Variants in BEAN1 observed in about 807,000 individuals in gnomAD.
BEAN1 encodes the protein protein BEAN1.
In BEAN1, 17 loss-of-function variants were observed where a neutral mutation model predicts 17.7. The observed-to-expected ratio is 0.96, with a 90% CI of 0.66 to 1.44. The LOEUF (loss-of-function observed/expected upper bound fraction) is 1.44. Among genes scored for constraint, BEAN1 ranks in the 40% most tolerant of loss-of-function variants. BEAN1 has a pLI of 0.00. For missense variants in BEAN1, 359 were observed against 374.1 expected (o/e 0.96, Z 0.33); for synonymous variants, 142 against 151.8 (o/e 0.94, Z 0.47).
intron 1 of BEAN1, among the ~76,000 whole-genome samples, chr16:66,430,958 ATTAAG>A (rs2142368107): frequency 6.6e-6 from 1 of 152,244 alleles, no homozygotes; most frequent in East Asian, 1.9e-4. Flanking sequence ...AAAATAAAAC[ATTAAG>A]TTAATAGCAG....
chr16:66,453,669 T>A (rs2142403448), intron 2 of BEAN1, among the ~76,000 whole-genome samples: 1 of 152,160 alleles, frequency 6.6e-6, no homozygotes, highest in East Asian at 1.9e-4. Context: ...GCCTAAAATA[T>A]ATTTTTATTT....
At chr16:66,492,832 C>G in intron 4 of BEAN1, 1 of 607,402 alleles carries the variant, frequency 1.6e-6, no homozygotes, top group East Asian at 2.7e-5. Context: ...GCCAAATGCC[C>G]TCATCCACGT....
Position 66,488,533 on chromosome 16 carries a change from A to C in BEAN1, c.148-4429A>C, listed in dbSNP as rs902258488. On this transcript the variant is annotated intron_variant, in intron 4 of 4. Coordinates refer to the BEAN1 transcript ENST00000561796. ...TTATCACTACCAAAAAAAAAAAAAA[A>C]AAAAAAACTGTTTTAATTAGCCAGA... is the stretch of plus-strand genomic sequence containing the variant. Among the ~76,000 whole-genome samples, 6 of 143,764 alleles carry C rather than the reference A, an allele frequency of 4.2e-5. No homozygotes were observed. The East Asian group carries it at 6.2e-4, about 15-fold the overall frequency. 94.3% of individuals were successfully genotyped at this position (143,764 alleles called of 152,430 possible).
intron 1 of BEAN1, among the ~76,000 whole-genome samples, chr16:66,435,340 T>C (rs1961972634): frequency 6.6e-6 from 1 of 152,218 alleles, no homozygotes; most frequent in African/African-American, 2.4e-5. Flanking sequence ...ATGGAAATGA[T>C]GTCCCCCACC....
At chr16:66,493,047 C>T (rs189628750) in exon 5 of BEAN1, 18 of 702,844 alleles carry the variant, frequency 2.6e-5, no homozygotes, top group East Asian at 1.3e-4. Context: ...CTGGGCTACA[C>T]GGCCACCTTG....
intron 2 of BEAN1, among the ~76,000 whole-genome samples, chr16:66,462,197 A>C (rs927910290): frequency 6.6e-6 from 1 of 152,202 alleles, no homozygotes; most frequent in Admixed American, 6.5e-5. Context: ...AACTGACTCC[A>C]TTTGCCTACA....
intron 2 of BEAN1, among the ~76,000 whole-genome samples, chr16:66,460,953 C>T (rs1032402246): frequency 6.6e-6 from 1 of 152,164 alleles, no homozygotes; most frequent in Non-Finnish European, 1.5e-5. Flanking sequence ...TAATGTGGTG[C>T]ATGACAAGTA....
At chr16:66,490,784 A>C (rs760149568) in intron 4 of BEAN1, among the ~76,000 whole-genome samples, 4 of 152,210 alleles carry the variant, frequency 2.6e-5, no homozygotes, top group Non-Finnish European at 5.9e-5. Context: ...GGGACAAAGA[A>C]AGGACAAATC....
chr16:66,439,153 G>C lies in BEAN1; in HGVS notation c.25+1452G>C, dbSNP rs865837904. The stretch of plus-strand genomic sequence containing the variant: ...AGATCATCACCAGGCACGCCAGGGG[G>C]ATGAGCTGGCTGTGGGGTTCATTGT... On this transcript the variant is annotated intron_variant, in intron 2 of 4. Coordinates refer to ENST00000536005, the MANE Select transcript of BEAN1 (RefSeq NM_001178020.3). Among the ~76,000 whole-genome samples, 7 of 152,332 alleles carry C rather than the reference G, an allele frequency of 4.6e-5. No individual in the cohort carries two copies. The Middle Eastern group carries it at 0.01, about 222-fold the overall frequency.
chr16:66,453,936 G>T (rs1363131976), intron 2 of BEAN1, among the ~76,000 whole-genome samples: 1 of 152,100 alleles, frequency 6.6e-6, no homozygotes, highest in African/African-American at 2.4e-5. Context: ...GTTTTGCCAT[G>T]TTGGCCAGGG....
rs1963972312 is a variant in BEAN1 at position 66,481,113 on chromosome 16, CAT to C, written c.*191_*192del. 2 of 501,178 alleles carry C rather than the reference CAT, an allele frequency of 4.0e-6. No individual in the cohort carries two copies. Among genetic ancestry groups the C allele is most frequent in the Admixed American group, 3.9e-5 (1 of 25,634 alleles). The allele number at this position is 501,178 out of a possible 1,614,324, so 31.0% of individuals were successfully genotyped here. A position where few individuals can be genotyped will look rare whatever the true frequency, so the allele number is the denominator to read the frequency against. ...CACACACAGATCTAGACGTGCTCCACATATGTGTGAATATGCGCACATACAGG... is the reference window on the plus strand; with the variant it reads ...CACACACAGATCTAGACGTGCTCCACATGTGTGAATATGCGCACATACAGG... On this transcript the variant is annotated 3_prime_UTR_variant, in exon 5 of 5. Coordinates refer to ENST00000536005, the MANE Select transcript of BEAN1 (RefSeq NM_001178020.3). This position sits in a 1 kb window ranked among gnomAD's most constrained non-coding sequence, Gnocchi z 4.1.
At chr16:66,449,489 C>A (rs1395465426) in intron 2 of BEAN1, among the ~76,000 whole-genome samples, 1 of 150,974 alleles carries the variant, frequency 6.6e-6, no homozygotes, top group Non-Finnish European at 1.5e-5. Context: ...TGCCTGTAAT[C>A]CCAGCTACTC....
At chr16:66,474,672 A>C (rs1963660431) in intron 3 of BEAN1, among the ~76,000 whole-genome samples, 2 of 145,396 alleles carry the variant, frequency 1.4e-5, no homozygotes, top group East Asian at 2.0e-4. Flanking sequence ...GAGAGAAAGA[A>C]AGAAGAAAGA....
intron 4 of BEAN1, among the ~76,000 whole-genome samples, chr16:66,489,767 G>T (rs1431637682): frequency 6.6e-6 from 1 of 152,172 alleles, no homozygotes; most frequent in Non-Finnish European, 1.5e-5. Flanking sequence ...AAGTTTTATA[G>T]GATCATGCTG....
At chr16:66,484,952 A>G (rs1449558109), downstream of BEAN1, 1 of 454,100 alleles carries the variant, frequency 2.2e-6, no homozygotes, top group Admixed American at 2.3e-5. The surrounding 1 kb of genome is among the most constrained non-coding windows in gnomAD (Gnocchi z 4.2). Flanking sequence ...CAGGGGAGTC[A>G]CCGTGCTGGC....
rs12103256 is a variant in BEAN1, at chr16:66,477,420, G to C, written c.290-140G>C. 14,464 of 866,884 alleles carry C rather than the reference G, an allele frequency of 0.017. 1,510 individuals are homozygous for C. The African/African-American group carries it at 0.23, about 14-fold the overall frequency. The allele number at this position is 866,884 out of a possible 1,614,324, so 53.7% of individuals were successfully genotyped here. On this transcript the variant is annotated intron_variant, in intron 3 of 4. Transcript: ENST00000536005. ...CATTCTGGAGCTGTCACTGATGGAT[G>C]AAGGCAGCTGTGCTTGGTGAGGAGA...
rs556363380 is a variant in BEAN1, at chr16:66,454,003, G to A, written c.26-15599G>A. On this transcript the variant is annotated intron_variant, in intron 2 of 4. Coordinates refer to ENST00000536005, the MANE Select transcript of BEAN1 (RefSeq NM_001178020.3). Reference sequence around the variant, plus strand: ...CCTGCCTCAGCCTCCCAAAGTGCTGGGATTCCAGGCGTGAGCCCACCACGC... The same window carrying A: ...CCTGCCTCAGCCTCCCAAAGTGCTGAGATTCCAGGCGTGAGCCCACCACGC... Among the ~76,000 whole-genome samples, 3 of 152,322 alleles carry A rather than the reference G, an allele frequency of 2.0e-5. No individual in the cohort carries two copies. The South Asian group carries it at 6.2e-4, about 32-fold the overall frequency.
intron 2 of BEAN1, 115 bp downstream of exon 2, chr16:66,437,816 C>T: frequency 7.5e-7 from 1 of 1,342,114 alleles, no homozygotes; most frequent in South Asian, 1.2e-5. Context: ...GGGGTCCAAC[C>T]AGAGGCTAAT....
intron 3 of BEAN1, among the ~76,000 whole-genome samples, chr16:66,470,356 G>A (rs1963438641): frequency 6.6e-6 from 1 of 151,952 alleles, no homozygotes; most frequent in South Asian, 2.1e-4. Flanking sequence ...GTGGATGGGT[G>A]GAGAGATGGA....
Sources: gnomAD v4.1 joint callset for allele counts (sites outside exome capture counted in the v4.1 genomes callset) on GRCh38, gnomAD v4.1.1 for gene constraint, Gnocchi (gnomAD v3.1) non-coding constraint, MANE v1.5 for transcripts, NCBI Gene and HGNC (gene_info 2026-07-23, HGNC 2026-07-21) for gene names.